Variants in MCPH1 observed in about 807,000 individuals in gnomAD.
The protein encoded by MCPH1 is microcephalin 1.
Under a neutral mutation model 84.5 loss-of-function variants are expected in MCPH1, and 104 were observed. The ratio of observed to expected loss-of-function variants is 1.23; its 90% CI spans 1.05 to 1.45. MCPH1 has a LOEUF of 1.45. MCPH1 is among the 40% of genes most tolerant of loss of function. The pLI is 0.00. For synonymous variants in MCPH1, 514 were observed against 366.8 expected (o/e 1.40, Z -4.58); for missense variants, 1,498 against 1,005.7 (o/e 1.49, Z -6.62).
chr8:6,520,154 C>T (rs1203346350), intron 12 of MCPH1, among the ~76,000 whole-genome samples: 1 of 152,102 alleles, frequency 6.6e-6, no homozygotes, highest in Admixed American at 6.6e-5. Flanking sequence ...TCCTTTCAGC[C>T]TGTTTTCTTC....
chr8:6,424,095 A>G (rs930572930), intron 3 of MCPH1, among the ~76,000 whole-genome samples: 3 of 152,202 alleles, frequency 2.0e-5, no homozygotes, highest in Non-Finnish European at 4.4e-5. Context: ...AGGTGTCACT[A>G]GAATCCCATT....
chr8:6,584,042 G>A lies in MCPH1; in HGVS notation c.2215-37412G>A, dbSNP rs186930214. On this transcript the variant is annotated intron_variant, in intron 12 of 13. Transcript: ENST00000344683. ...ACGCATGGGTTTTCTGGCAACATTT[G>A]CCATCTACAGCACTCTCTTTGATCA... 9.9e-5 allele frequency among the ~76,000 whole-genome samples: 15 copies of A among 152,188 alleles called. No individual in the cohort carries two copies. In the East Asian group the frequency reaches 2.9e-3, roughly 29 times the overall value.
Position 6,433,875 on chromosome 8 carries a change from C to A in MCPH1, c.322-2173C>A, listed in dbSNP as rs1022780587. ...ATGGTTCTGTGCCTCTGTCTCCCCCCTCACCCTGTCTGCTGCCTGCCTGCC... is the reference window on the plus strand; with the variant it reads ...ATGGTTCTGTGCCTCTGTCTCCCCCATCACCCTGTCTGCTGCCTGCCTGCC... On this transcript the variant is annotated intron_variant, in intron 4 of 13. Transcript: ENST00000344683. 2.6e-5 allele frequency among the ~76,000 whole-genome samples: 4 copies of A among 152,184 alleles called. No homozygotes were observed. The East Asian group carries it at 7.8e-4, about 29-fold the overall frequency.
intron 13 of MCPH1, chr8:6,627,117 G>C (rs1002998183): frequency 1.0e-6 from 1 of 984,618 alleles, no homozygotes; most frequent in Non-Finnish European, 1.2e-6. Context: ...TGCTGGCCTG[G>C]CTCATTCATC....
chr8:6,640,105 C>CGTGTGT (rs139021455), intron 13 of MCPH1, among the ~76,000 whole-genome samples: 15 of 133,532 alleles, frequency 1.1e-4, no homozygotes, highest in African/African-American at 3.8e-4. Flanking sequence ...TGTGCGCGCG[C>CGTGTGT]GTGTGTGTGT....
At position 6,453,559 on chromosome 8, in the gene MCPH1, A is replaced by G. The variant is rs1180166170; in HGVS notation, c.1826-1584A>G. On this transcript the variant is annotated intron_variant, in intron 8 of 13. Coordinates refer to ENST00000344683, the MANE Select transcript of MCPH1 (RefSeq NM_024596.5). ...TTATTGAATACACTAGGAAGCTGCAAATTTATTCATGACTCAATAACAGAG... is the reference window on the plus strand; with the variant it reads ...TTATTGAATACACTAGGAAGCTGCAGATTTATTCATGACTCAATAACAGAG... Among the ~76,000 whole-genome samples the G allele has an allele frequency of 2.6e-5, 4 of 152,192 alleles. No individual in the cohort carries two copies. The East Asian group carries it at 7.7e-4, about 29-fold the overall frequency.
intron 12 of MCPH1, among the ~76,000 whole-genome samples, chr8:6,548,857 C>T (rs1457662417): frequency 6.6e-6 from 1 of 152,190 alleles, no homozygotes; most frequent in East Asian, 1.9e-4. Flanking sequence ...TATTCCCACC[C>T]TCTTTTCCAT....
At chr8:6,407,082 C>G (rs1046423118) in intron 1 of MCPH1, 19 of 333,872 alleles carry the variant, frequency 5.7e-5, no homozygotes, top group African/African-American at 2.5e-4. Flanking sequence ...TTCCCCCTAC[C>G]TGCTTTCACC....
intron 5 of MCPH1, 23 bp downstream of exon 5, chr8:6,436,185 G>T (rs1802612559): frequency 6.2e-7 from 1 of 1,609,172 alleles, no homozygotes; most frequent in Non-Finnish European, 8.5e-7. Flanking sequence ...ATATAATACA[G>T]TTCTTTGCAT....
chr8:6,628,086 A>G (rs564157419), intron 13 of MCPH1, among the ~76,000 whole-genome samples: 4 of 152,192 alleles, frequency 2.6e-5, no homozygotes, highest in Non-Finnish European at 5.9e-5. Flanking sequence ...TATCTTTGAA[A>G]CTTCCTAACC....
intron 11 of MCPH1, chr8:6,494,451 G>C (rs926740760): frequency 2.0e-5 from 3 of 152,206 alleles, no homozygotes; most frequent in Non-Finnish European, 4.4e-5. Flanking sequence ...CACCGTAGCT[G>C]TGTAACCTTG....
chr8:6,546,635 T>G (rs189076572), intron 12 of MCPH1, among the ~76,000 whole-genome samples: 1 of 152,312 alleles, frequency 6.6e-6, no homozygotes, highest in East Asian at 1.9e-4. Flanking sequence ...GCTAACCGCT[T>G]AATACAAGCA....
intron 12 of MCPH1, among the ~76,000 whole-genome samples, chr8:6,514,076 G>C (rs1815738202): frequency 6.6e-6 from 1 of 152,162 alleles, no homozygotes; most frequent in Non-Finnish European, 1.5e-5. Flanking sequence ...GAACTACTTG[G>C]GGAGCCACCA....
At position 6,418,509 on chromosome 8, in the gene MCPH1, A is replaced by G. The variant is rs560983695; in HGVS notation, c.233+3626A>G. 4.6e-5 allele frequency among the ~76,000 whole-genome samples: 7 copies of G among 152,336 alleles called. No homozygotes were observed. In the South Asian group the frequency reaches 1.4e-3, roughly 32 times the overall value. On this transcript the variant is annotated intron_variant, in intron 3 of 13. Transcript: ENST00000344683. The stretch of plus-strand genomic sequence containing the variant: ...GAACTTAGTATGTTATTTTTGAAGC[A>G]TCTGATGCCAGTCTAATTCTTCTTC...
At chr8:6,495,915 A>G (rs972779606) in intron 11 of MCPH1, among the ~76,000 whole-genome samples, 36 of 152,178 alleles carry the variant, frequency 2.4e-4, no homozygotes, top group African/African-American at 8.7e-4. Context: ...TTTTTAATTA[A>G]TCAGTGATAT....
chr8:6,510,454 C>G (rs1814817180), intron 12 of MCPH1, among the ~76,000 whole-genome samples: 1 of 152,146 alleles, frequency 6.6e-6, no homozygotes, highest in Non-Finnish European at 1.5e-5. Flanking sequence ...AATATAATTT[C>G]TAACAGTTTG....
intron 13 of MCPH1, among the ~76,000 whole-genome samples, chr8:6,630,803 A>G (rs1351796393): frequency 1.3e-5 from 2 of 151,916 alleles, no homozygotes; most frequent in African/African-American, 2.4e-5. Flanking sequence ...ACAAAAAAAA[A>G]AAACAATTAT....
chr8:6,557,288 G>A (rs1355474358), intron 12 of MCPH1, among the ~76,000 whole-genome samples: 2 of 151,952 alleles, frequency 1.3e-5, no homozygotes, highest in African/African-American at 4.8e-5. Flanking sequence ...GTTTATAAGG[G>A]ACTTAAAAAA....
At chr8:6,469,833 C>G (rs1393212128) in intron 9 of MCPH1, among the ~76,000 whole-genome samples, 1 of 152,186 alleles carries the variant, frequency 6.6e-6, no homozygotes, top group East Asian at 1.9e-4. Flanking sequence ...CTCTTTTTCT[C>G]TCTCTCTCCC....
Sources: allele counts gnomAD v4.1 joint callset (sites outside exome capture counted in the v4.1 genomes callset), GRCh38; gene constraint gnomAD v4.1.1; transcripts MANE v1.5; gene names NCBI Gene and HGNC (gene_info 2026-07-23, HGNC 2026-07-21).